Variants in HSD17B3 observed in about 807,000 individuals in gnomAD.
HSD17B3 encodes the protein 17-beta-hydroxysteroid dehydrogenase type 3.
HSD17B3 carries 29 observed loss-of-function variants against 41.1 expected under a neutral mutation model. The ratio of observed to expected loss-of-function variants is 0.71; its 90% confidence interval spans 0.53 to 0.96. HSD17B3 has a LOEUF of 0.96. Among genes scored for constraint, HSD17B3 ranks in the 40% least tolerant of loss-of-function variants. HSD17B3 has a pLI of 0.00. For synonymous variants in HSD17B3, 126 were observed against 145.6 expected, an observed-to-expected ratio of 0.87 and a Z score of 0.97; for missense variants, 323 against 374.6, an observed-to-expected ratio of 0.86 and a Z score of 1.14.
At chr9:96,255,586 C>T (rs1587733449) in intron 2 of HSD17B3, among the ~76,000 whole-genome samples, 1 of 151,758 alleles carries the variant, frequency 6.6e-6, no homozygotes, top group East Asian at 1.9e-4. Context: ...GACAGGGTTT[C>T]CCCGTGTTGG....
At chr9:96,281,022 C>A (rs943207794) in intron 2 of HSD17B3, among the ~76,000 whole-genome samples, 5 of 152,238 alleles carry the variant, frequency 3.3e-5, no homozygotes, top group East Asian at 3.9e-4. Context: ...CTGCTCTGTC[C>A]ATGGAGTAGC....
At chr9:96,262,171 T>C (rs995415150) in intron 2 of HSD17B3, among the ~76,000 whole-genome samples, 65 of 151,802 alleles carry the variant, frequency 4.3e-4, no homozygotes, top group African/African-American at 1.5e-3. Context: ...ACACTATGTG[T>C]TTCTACCTCT....
intron 2 of HSD17B3, among the ~76,000 whole-genome samples, chr9:96,283,401 C>G (rs545937316): frequency 1.3e-5 from 2 of 152,256 alleles, no homozygotes; most frequent in Non-Finnish European, 2.9e-5. Context: ...TATGGTCAAA[C>G]TGATGAAGAT....
intron 2 of HSD17B3, among the ~76,000 whole-genome samples, chr9:96,263,167 C>A (rs1190514406): frequency 6.6e-6 from 1 of 152,178 alleles, no homozygotes; most frequent in Non-Finnish European, 1.5e-5. Context: ...TGCAATGATG[C>A]AGGGATCTAG....
chr9:96,245,522 T>C (rs1836627060), intron 7 of HSD17B3, 96 bp from the exon 8 acceptor site: 7 of 897,012 alleles, frequency 7.8e-6, no homozygotes, highest in Non-Finnish European at 1.3e-5. Context: ...ACTGCCGGAC[T>C]CGACCCTTTC....
chr9:96,279,110 C>A (rs556327902), intron 2 of HSD17B3, among the ~76,000 whole-genome samples: 1 of 152,200 alleles, frequency 6.6e-6, no homozygotes, highest in African/African-American at 2.4e-5. Context: ...CTCTGCTATA[C>A]CCACAGATAT....
chr9:96,252,757 T>C lies in HSD17B3; in HGVS notation c.385+46A>G, dbSNP rs146242289. ...ATGTCACTCATCAGTGTCAGGTTAT[T>C]TCACTGATGTATGACAACAAGCTTT... On this transcript the variant is annotated intron_variant, in intron 4 of 10. Transcript: ENST00000375263. 257 of 964,940 alleles carry C rather than the reference T, an allele frequency of 2.7e-4. No individual in the cohort carries two copies. The Admixed American group carries it at 4.3e-3, about 16-fold the overall frequency. The allele number at this position is 964,940 out of a possible 1,614,324, so 59.8% of individuals were successfully genotyped here. A position where few individuals can be genotyped will look rare whatever the true frequency, so the allele number is the denominator to read the frequency against.
At chr9:96,261,011 T>C (rs1825837269) in intron 2 of HSD17B3, among the ~76,000 whole-genome samples, 1 of 151,942 alleles carries the variant, frequency 6.6e-6, no homozygotes, top group East Asian at 1.9e-4. Context: ...CCCCCTCTCC[T>C]TTTTTGCCTG....
chr9:96,283,060 C>T (rs1277548802), intron 2 of HSD17B3, among the ~76,000 whole-genome samples: 1 of 125,098 alleles, frequency 8.0e-6, no homozygotes, highest in Non-Finnish European at 1.6e-5. Flanking sequence ...GGCTAGAGTG[C>T]AGTGGTGCAA....
intron 6 of HSD17B3, 149 bp downstream of exon 6, chr9:96,249,602 A>T (rs1468790449): frequency 1.4e-6 from 1 of 712,076 alleles, no homozygotes; most frequent in Admixed American, 2.0e-5. Context: ...AGAACAAGAC[A>T]ATTACAAGAC....
At chr9:96,264,870 C>T (rs1825996425) in intron 2 of HSD17B3, among the ~76,000 whole-genome samples, 1 of 152,154 alleles carries the variant, frequency 6.6e-6, no homozygotes, top group Non-Finnish European at 1.5e-5. Flanking sequence ...TTAGCTAAGG[C>T]TACCTTTAGC....
intron 2 of HSD17B3, among the ~76,000 whole-genome samples, chr9:96,297,972 T>C (rs1827428471): frequency 6.6e-6 from 1 of 152,220 alleles, no homozygotes; most frequent in Admixed American, 6.5e-5. Flanking sequence ...CTTCTTTTTA[T>C]AGAATATGCT....
chr9:96,299,482 G>T (rs184732512), intron 1 of HSD17B3, among the ~76,000 whole-genome samples: 2 of 152,132 alleles, frequency 1.3e-5, no homozygotes, highest in African/African-American at 4.8e-5. Context: ...CCCAATACAG[G>T]GCCTACACTA....
At position 96,302,050 on chromosome 9, in the gene HSD17B3, C is replaced by G; in HGVS notation, c.55G>C (p.Ala19Pro). ...FILTGLLVCL[A>P]CLAKCVRFSR... ...AATCTCACGCACTTCGCCAGGCAGG[C>G]CAGGCACACCAGCAGCCCTGTGAGG... Residue 19 changes from alanine to proline, a missense_variant, in exon 1 of 11, where the codon GCC (alanine) becomes CCC (proline). By Grantham distance (27) the Ala-to-Pro change is conservative. Coordinates refer to ENST00000375263, the MANE Select transcript of HSD17B3 (RefSeq NM_000197.2). 1.2e-6 allele frequency: 2 copies of G among 1,614,106 alleles called. No homozygotes were observed. Among genetic ancestry groups the G allele is most frequent in the Non-Finnish European group, 1.7e-6 (2 of 1,179,998 alleles).
In HSD17B3 at chr9:96,235,513, G is replaced by A. The variant is rs762619509; in HGVS notation, c.880C>T (p.Leu294=). Residue 294 remains leucine (L), a synonymous_variant, in exon 11 of 11, where the codon CTG becomes TTG. Transcript: ENST00000375263. ...TATGCCACATAGTGTGTCAGGAGCA[G>A]CCTTTGGAAGGCACCGCTGTAGAAG... is the stretch of plus-strand genomic sequence containing the variant. ...WAFYSGAFQR[L]LLTHYVAYLK... The A allele has an allele frequency of 7.7e-5, 125 of 1,614,054 alleles. No homozygotes were observed. The highest frequency in any genetic ancestry group is 1.0e-4 in the Non-Finnish European group (123 of 1,180,058).
chr9:96,241,192 T>G (rs914369551), intron 9 of HSD17B3, among the ~76,000 whole-genome samples: 3 of 152,180 alleles, frequency 2.0e-5, no homozygotes, highest in African/African-American at 4.8e-5. Flanking sequence ...AGAACCAAGT[T>G]GCAAGACAGC....
At chr9:96,249,714 C>T (rs1255800780) in intron 6 of HSD17B3, 37 bp downstream of exon 6, 1 of 1,602,298 alleles carries the variant, frequency 6.2e-7, no homozygotes, top group Non-Finnish European at 8.5e-7. Flanking sequence ...CAAGTTACTA[C>T]ATGTTAATGC....
chr9:96,235,657 C>G (rs1836208320), intron 10 of HSD17B3, 87 bp from the exon 11 acceptor site: 1 of 1,073,704 alleles, frequency 9.3e-7, no homozygotes, highest in Admixed American at 2.0e-5. Context: ...ATATTTTTTT[C>G]TGACTACTAA....
chr9:96,250,436 A>G (rs2130725307), intron 5 of HSD17B3: 2 of 1,066,346 alleles, frequency 1.9e-6, no homozygotes, highest in South Asian at 9.0e-5. Flanking sequence ...GCAGTCTGGC[A>G]TTATCACCCG....
Sources: gnomAD v4.1 joint callset for allele counts (sites outside exome capture counted in the v4.1 genomes callset) on GRCh38, gnomAD v4.1.1 for gene constraint, MANE v1.5 for transcripts, NCBI Gene and HGNC (gene_info 2026-07-23, HGNC 2026-07-21) for gene names.